NBPF15: variants seen among roughly 807,000 people sequenced by gnomAD.
NBPF15 encodes NBPF family member NBPF15.
NBPF15 carries 74 observed loss-of-function variants against 62.2 expected under a neutral mutation model. That is an observed-to-expected ratio of 1.19 (90% confidence interval 0.99 to 1.44). The LOEUF is 1.44. NBPF15 is among the 40% of genes most tolerant of loss of function. The pLI, the probability that NBPF15 is intolerant of heterozygous loss-of-function variation, is 0.00. For missense variants in NBPF15, 790 were observed against 550.0 expected, an observed-to-expected ratio of 1.44 and a Z score of -4.36; for synonymous variants, 244 against 209.7, an observed-to-expected ratio of 1.16 and a Z score of -1.41.
chr1:144,443,497 T>A (rs1406786815), intron 6 of NBPF15, among the ~76,000 whole-genome samples: 2 of 151,600 alleles, frequency 1.3e-5, no homozygotes, highest in East Asian at 1.9e-4. Context: ...AATCTCCTAC[T>A]AGAAATATTA....
chr1:144,461,124 G>T (rs2292209), intron 1 of NBPF15, among the ~76,000 whole-genome samples, 163 bp from the exon 2 acceptor site: 3 of 151,642 alleles, frequency 2.0e-5, no homozygotes, highest in Admixed American at 6.6e-5. Flanking sequence ...ACACGAGGAC[G>T]TGCCCCCGAA....
intron 12 of NBPF15, among the ~76,000 whole-genome samples, chr1:144,434,847 G>A (rs1353758435): frequency 1.3e-5 from 2 of 151,960 alleles, no homozygotes; most frequent in African/African-American, 2.4e-5. Context: ...AAGCTAGGAG[G>A]CCTGACAGAT....
At chr1:144,461,195 A>G (rs1334795490) in intron 1 of NBPF15, among the ~76,000 whole-genome samples, 186 bp downstream of exon 1, 2 of 151,862 alleles carry the variant, frequency 1.3e-5, no homozygotes, top group African/African-American at 4.8e-5. Context: ...TTTCTTCCCC[A>G]GCGCCCAAGG....
chr1:144,432,691 A>C (rs1244406096), intron 13 of NBPF15, among the ~76,000 whole-genome samples: 13 of 152,034 alleles, frequency 8.6e-5, no homozygotes, highest in Admixed American at 5.2e-4. Context: ...TTAAACCAAC[A>C]AAGATCAAAA....
intron 6 of NBPF15, among the ~76,000 whole-genome samples, chr1:144,445,402 T>C (rs1686793700): frequency 6.9e-6 from 1 of 144,574 alleles, no homozygotes; most frequent in African/African-American, 2.5e-5. Context: ...TGTGTGTGTA[T>C]ACATATATAT....
chr1:144,456,245 G>A (rs1647660593), intron 4 of NBPF15, among the ~76,000 whole-genome samples: 1 of 151,580 alleles, frequency 6.6e-6, no homozygotes, highest in South Asian at 2.1e-4. Flanking sequence ...GGGTAAGAGG[G>A]GAAGAGCAAG....
At chr1:144,458,794 C>T (rs1461213529) in intron 3 of NBPF15, among the ~76,000 whole-genome samples, 1 of 151,990 alleles carries the variant, frequency 6.6e-6, no homozygotes, top group Non-Finnish European at 1.5e-5. Flanking sequence ...AATCCCCACA[C>T]TCTGGGAGGT....
chr1:144,428,467 C>T (rs1671629590), intron 15 of NBPF15, 139 bp downstream of exon 15: 6 of 892,496 alleles, frequency 6.7e-6, no homozygotes, highest in Admixed American at 3.4e-5. Flanking sequence ...CTAATGAGAA[C>T]CAAAAAGCAA....
intron 6 of NBPF15, among the ~76,000 whole-genome samples, chr1:144,445,486 A>AT (rs587647156): frequency 0.015 from 2,173 of 140,516 alleles, 59 homozygotes; most frequent in African/African-American, 0.052. Context: ...TATATATTCC[A>AT]TTTTTTTTTT....
intron 6 of NBPF15, among the ~76,000 whole-genome samples, chr1:144,445,264 G>C (rs1686519133): frequency 1.1e-5 from 1 of 87,878 alleles, no homozygotes; most frequent in Non-Finnish European, 2.4e-5. Flanking sequence ...GTGTGTGTCT[G>C]TATATGTATA....
intron 13 of NBPF15, among the ~76,000 whole-genome samples, chr1:144,431,071 T>C (rs1417785641): frequency 1.3e-5 from 2 of 151,684 alleles, no homozygotes; most frequent in Non-Finnish European, 2.9e-5. Context: ...AATATGGGAC[T>C]ATGTGGAAAG....
At chr1:144,427,222 G>T (rs1670384647) in intron 16 of NBPF15, 124 bp from the exon 17 acceptor site, 1 of 681,896 alleles carries the variant, frequency 1.5e-6, no homozygotes, top group African/African-American at 1.8e-5. Flanking sequence ...CACTGTGAGA[G>T]ATATTCTTCA....
chr1:144,441,983 G>T (rs1423596612), intron 6 of NBPF15, among the ~76,000 whole-genome samples: 1 of 148,598 alleles, frequency 6.7e-6, no homozygotes, highest in African/African-American at 2.5e-5. Context: ...GACACAGGGC[G>T]GGGAACATCA....
intron 3 of NBPF15, among the ~76,000 whole-genome samples, chr1:144,457,507 T>G (rs1648924165): frequency 6.6e-6 from 1 of 152,068 alleles, no homozygotes; most frequent in Non-Finnish European, 1.5e-5. Context: ...ATTTGTTAGA[T>G]GGTGAAAACT....
Position 144,422,079 on chromosome 1 carries a change from CA to C in NBPF15, c.*933del, listed in dbSNP as rs1336256699. Reference sequence around the variant, plus strand: ...AAAAGATGAGGAAATATTTGGGGTTCAAAATAACTAAAGAAATGCAGCTACA... The same window carrying C: ...AAAAGATGAGGAAATATTTGGGGTTCAAATAACTAAAGAAATGCAGCTACA... On this transcript the variant is annotated 3_prime_UTR_variant, in exon 22 of 22. Transcript: ENST00000581897. The C allele has an allele frequency of 7.8e-6, 1 of 128,588 alleles. No homozygotes were observed. The highest frequency in any genetic ancestry group is 1.6e-5 in the Non-Finnish European group (1 of 62,462). The allele number at this position is 128,588 out of a possible 1,614,324, so 8.0% of individuals were successfully genotyped here. A position where few individuals can be genotyped will look rare whatever the true frequency, so the allele number is the denominator to read the frequency against.
At position 144,422,900 on chromosome 1, in the gene NBPF15, A is replaced by G; in HGVS notation, c.*113T>C. On this transcript the variant is annotated 3_prime_UTR_variant, in exon 22 of 22. Coordinates refer to ENST00000581897, the MANE Select transcript of NBPF15 (RefSeq NM_001385408.1). ...TGAGAATAGGAATAGAGCCATGCTC[A>G]CTGACCCATCCTATGTCTGGGCTTC... 6.2e-7 allele frequency: 1 copy of G among 1,608,044 alleles called. No homozygotes were observed. Among genetic ancestry groups the G allele is most frequent in the South Asian group, 1.1e-5 (1 of 90,110 alleles).
chr1:144,447,828 A>G (rs1417348902), intron 6 of NBPF15, among the ~76,000 whole-genome samples: 1 of 152,090 alleles, frequency 6.6e-6, no homozygotes, highest in Non-Finnish European at 1.5e-5. Flanking sequence ...AAAGTGCTAC[A>G]TGGCATTGGG....
At chr1:144,439,751 G>C (rs1681442298) in intron 8 of NBPF15, 78 bp downstream of exon 8, 1 of 1,036,560 alleles carries the variant, frequency 9.6e-7, no homozygotes, top group African/African-American at 1.6e-5. Context: ...TATTTTTGAT[G>C]GAGAGAGCAT....
intron 5 of NBPF15, among the ~76,000 whole-genome samples, chr1:144,449,544 A>G (rs1689782949): frequency 6.6e-6 from 1 of 151,838 alleles, no homozygotes; most frequent in Non-Finnish European, 1.5e-5. Context: ...GATGAATCTC[A>G]AAAACATTTT....
Sources: gnomAD v4.1 joint callset for allele counts (sites outside exome capture counted in the v4.1 genomes callset) on GRCh38, gnomAD v4.1.1 for gene constraint, MANE v1.5 for transcripts, NCBI Gene and HGNC (gene_info 2026-07-23, HGNC 2026-07-21) for gene names.